Variants in THSD7A observed in about 807,000 individuals in gnomAD.
THSD7A encodes thrombospondin type-1 domain-containing protein 7A.
A neutral mutation model predicts 231.3 loss-of-function variants in THSD7A; 96 were observed. The ratio of observed to expected loss-of-function variants is 0.41; its 90% confidence interval spans 0.35 to 0.49. THSD7A has a LOEUF of 0.49. Among genes scored for constraint, THSD7A ranks in the 20% least tolerant of loss-of-function variants. The pLI is 0.05. For missense variants in THSD7A, 2,290 were observed against 2,070.2 expected (o/e 1.11, Z -2.06); for synonymous variants, 940 against 743.3 (o/e 1.26, Z -4.30).
At position 11,427,432 on chromosome 7, in the gene THSD7A, G is replaced by A. The variant is rs547598292; in HGVS notation, c.3244-761C>T. 2.6e-5 allele frequency among the ~76,000 whole-genome samples: 4 copies of A among 152,210 alleles called. No individual in the cohort carries two copies. The East Asian group carries it at 7.7e-4, about 29-fold the overall frequency. ...CAAGTCACAATACCCTTATCAAACT[G>A]CATCAGAATATATTAGAGTTGGAAA... On this transcript the variant is annotated intron_variant, in intron 14 of 27. Transcript: ENST00000423059.
intron 1 of THSD7A, among the ~76,000 whole-genome samples, chr7:11,777,945 C>G (rs1783475327): frequency 1.3e-5 from 2 of 149,726 alleles, no homozygotes; most frequent in Admixed American, 6.7e-5. Context: ...GTCAAGAGAT[C>G]GAGACCATCC....
intron 4 of THSD7A, among the ~76,000 whole-genome samples, chr7:11,577,020 C>G (rs1423241134): frequency 6.6e-6 from 1 of 152,092 alleles, no homozygotes; most frequent in Non-Finnish European, 1.5e-5. Flanking sequence ...CCATGTTTTG[C>G]CACTGACTGT....
chr7:11,598,059 C>T (rs572855653), intron 2 of THSD7A, among the ~76,000 whole-genome samples: 27 of 152,304 alleles, frequency 1.8e-4, no homozygotes, highest in African/African-American at 6.3e-4. Context: ...TTCTAGGACA[C>T]CCCTCAAGGA....
chr7:11,650,338 G>A (rs1201895880), intron 1 of THSD7A, among the ~76,000 whole-genome samples: 1 of 151,916 alleles, frequency 6.6e-6, no homozygotes, highest in Non-Finnish European at 1.5e-5. Context: ...AATAATTTCT[G>A]GAATTCTTCC....
At chr7:11,516,921 G>A (rs534655455) in intron 6 of THSD7A, among the ~76,000 whole-genome samples, 2 of 152,172 alleles carry the variant, frequency 1.3e-5, no homozygotes, top group South Asian at 2.1e-4. Flanking sequence ...TGCAGTCATG[G>A]TCATGTAGAC....
chr7:11,633,641 G>A (rs374330185), intron 2 of THSD7A, among the ~76,000 whole-genome samples: 5 of 152,272 alleles, frequency 3.3e-5, no homozygotes, highest in African/African-American at 1.2e-4. Context: ...CCAAATTTCT[G>A]TATCAACTGT....
Position 11,636,320 on chromosome 7 carries a change from C to G in THSD7A, c.832G>C (p.Gly278Arg). Residue 278 changes from glycine to arginine, a missense_variant, in exon 2 of 28, where the codon GGG (glycine) becomes CGG (arginine). Physicochemically the swap from Gly to Arg is moderately radical, Grantham distance 125. Transcript: ENST00000423059. The surrounding 1 kb of genome is among the most constrained non-coding windows in gnomAD (Gnocchi z 10.0). ...SRQVRQARRR[G>R]KNKEREKDRS... ...TCCTTTTCCCGTTCTTTATTCTTCC[C>G]GCGTCTCCTTGCTTGTCTTACTTGT... is the stretch of plus-strand genomic sequence containing the variant. 2 of 1,613,858 alleles carry G rather than the reference C, an allele frequency of 1.2e-6. No homozygotes were observed. The highest frequency in any genetic ancestry group is 1.1e-5 in the South Asian group (1 of 91,076).
intron 1 of THSD7A, among the ~76,000 whole-genome samples, chr7:11,759,960 T>C (rs751748218): frequency 2.0e-5 from 3 of 152,030 alleles, no homozygotes; most frequent in Admixed American, 1.3e-4. Context: ...CCATTGACTG[T>C]ATAAGGAATT....
intron 1 of THSD7A, among the ~76,000 whole-genome samples, chr7:11,763,534 G>T (rs560865991): frequency 6.6e-6 from 1 of 152,074 alleles, no homozygotes; most frequent in East Asian, 1.9e-4. Flanking sequence ...AGATATATCT[G>T]TGTATATGTA....
At chr7:11,791,377 ATGTT>A in intron 1 of THSD7A, among the ~76,000 whole-genome samples, 1 of 152,084 alleles carries the variant, frequency 6.6e-6, no homozygotes, top group Non-Finnish European at 1.5e-5. Context: ...ATACTGATAA[ATGTT>A]ATCCTCCCTA....
At chr7:11,556,597 C>A (rs1255947132) in intron 4 of THSD7A, among the ~76,000 whole-genome samples, 1 of 151,834 alleles carries the variant, frequency 6.6e-6, no homozygotes, top group African/African-American at 2.4e-5. Flanking sequence ...AAGGTTTCTT[C>A]CTTTAATCTT....
chr7:11,534,820 A>T (rs1788849046), intron 6 of THSD7A, among the ~76,000 whole-genome samples: 1 of 152,182 alleles, frequency 6.6e-6, no homozygotes, highest in Non-Finnish European at 1.5e-5. Context: ...TGCCTAATTT[A>T]ACTGAAAGTT....
intron 4 of THSD7A, among the ~76,000 whole-genome samples, chr7:11,576,123 A>G (rs990739308): frequency 3.3e-5 from 5 of 152,140 alleles, no homozygotes; most frequent in African/African-American, 4.8e-5. Context: ...TATGATACAC[A>G]TTTTGTGCAT....
chr7:11,425,654 A>G (rs1017690362), intron 15 of THSD7A, among the ~76,000 whole-genome samples: 3 of 151,950 alleles, frequency 2.0e-5, no homozygotes, highest in African/African-American at 7.3e-5. Flanking sequence ...CATTGCAACC[A>G]AGCTGACTCA....
chr7:11,642,364 A>G (rs1782118625), intron 1 of THSD7A, among the ~76,000 whole-genome samples: 1 of 152,128 alleles, frequency 6.6e-6, no homozygotes, highest in East Asian at 1.9e-4. Flanking sequence ...TTGGAATCTG[A>G]TTGAGCAAAA....
intron 2 of THSD7A, among the ~76,000 whole-genome samples, chr7:11,626,104 T>A (rs3846988): frequency 6.6e-6 from 1 of 151,890 alleles, no homozygotes; most frequent in Non-Finnish European, 1.5e-5. Flanking sequence ...CTGACTTAAG[T>A]TTAGTCCCTT....
chr7:11,462,823 G>GA (rs2128298760), intron 9 of THSD7A, among the ~76,000 whole-genome samples: 1 of 152,130 alleles, frequency 6.6e-6, no homozygotes, highest in South Asian at 2.1e-4. Flanking sequence ...GTTAAAAATG[G>GA]AAAAAATTAA....
chr7:11,393,941 T>C (rs369538889), intron 23 of THSD7A, among the ~76,000 whole-genome samples: 23 of 149,458 alleles, frequency 1.5e-4, no homozygotes, highest in African/African-American at 5.9e-4. Flanking sequence ...GAAAACACTC[T>C]TCAGGATATT....
At chr7:11,824,510 T>C (rs1464377191) in intron 1 of THSD7A, among the ~76,000 whole-genome samples, 2 of 152,134 alleles carry the variant, frequency 1.3e-5, no homozygotes, top group African/African-American at 4.8e-5. Flanking sequence ...TATTGTACTC[T>C]TAATCTCAGC....
Sources: allele counts gnomAD v4.1 joint callset (sites outside exome capture counted in the v4.1 genomes callset), GRCh38; gene constraint gnomAD v4.1.1; non-coding constraint Gnocchi (gnomAD v3.1); transcripts MANE v1.5; gene names NCBI Gene and HGNC (gene_info 2026-07-23, HGNC 2026-07-21).